OR4Q3: variants seen among roughly 807,000 people sequenced by gnomAD.
The protein encoded by OR4Q3 is olfactory receptor 4Q3.
OR4Q3 carries 17 observed loss-of-function variants against 18.8 expected under a neutral mutation model. The observed-to-expected ratio is 0.91, with a 90% CI of 0.62 to 1.36. The LOEUF (loss-of-function observed/expected upper bound fraction) is 1.36. Among genes scored for constraint, OR4Q3 ranks in the 40% most tolerant of loss-of-function variants. OR4Q3 has a pLI of 0.00. For missense variants in OR4Q3, 378 were observed against 373.4 expected (o/e 1.01, Z -0.10); for synonymous variants, 158 against 145.8 (o/e 1.08, Z -0.60).
At chr14:19,745,132 G>A in intron 1 of OR4Q3, among the ~76,000 whole-genome samples, 15 of 152,050 alleles carry the variant, frequency 9.9e-5, no homozygotes, top group African/African-American at 3.4e-4. Flanking sequence ...TTTATCTTAT[G>A]TGATTGTAAA....
chr14:19,748,250 T>C, exon 2 of OR4Q3: 1 of 1,613,874 alleles, frequency 6.2e-7, no homozygotes, highest in Non-Finnish European at 8.5e-7. Flanking sequence ...ATTCTCCTTG[T>C]TTTACACAGT....
At chr14:19,751,587 A>G, downstream of OR4Q3, among the ~76,000 whole-genome samples, 1 of 151,952 alleles carries the variant, frequency 6.6e-6, no homozygotes, top group Non-Finnish European at 1.5e-5. Context: ...TGACTTATTA[A>G]GGATTACAAT....
intron 1 of OR4Q3, among the ~76,000 whole-genome samples, chr14:19,746,572 C>A: frequency 2.0e-5 from 3 of 152,120 alleles, no homozygotes; most frequent in Non-Finnish European, 4.4e-5. Context: ...TGATTAGTGT[C>A]TTTTAATCAT....
downstream of OR4Q3, among the ~76,000 whole-genome samples, chr14:19,750,672 G>C: frequency 3.9e-5 from 6 of 152,128 alleles, no homozygotes; most frequent in Non-Finnish European, 8.8e-5. Flanking sequence ...TTTTGTGTTG[G>C]GAGTTAATGA....
Position 19,748,760 on chromosome 14 carries a change from C to T in OR4Q3, c.*391C>T. ...TCAGTTCCTCCAGCATTTAATGATTCCTAGTGTTAGGAAGTTCCTTCTGAT... is the reference window on the plus strand; with the variant it reads ...TCAGTTCCTCCAGCATTTAATGATTTCTAGTGTTAGGAAGTTCCTTCTGAT... On this transcript the variant is annotated 3_prime_UTR_variant, in exon 2 of 2. Coordinates refer to ENST00000642117, the Ensembl canonical transcript of OR4Q3. 3.7e-5 allele frequency: 7 copies of T among 188,226 alleles called. No homozygotes were observed. In the South Asian group the frequency reaches 6.0e-4, roughly 16 times the overall value. 11.7% of individuals were successfully genotyped at this position (188,226 alleles called of 1,614,324 possible).
chr14:19,747,843 C>T, exon 2 of OR4Q3: 3 of 1,608,024 alleles, frequency 1.9e-6, no homozygotes, highest in Non-Finnish European at 2.5e-6. Flanking sequence ...GTCATGAACC[C>T]CCAGCTATGC....
At chr14:19,749,405 C>G in exon 2 of OR4Q3, 1 of 152,340 alleles carries the variant, frequency 6.6e-6, no homozygotes, top group Non-Finnish European at 1.5e-5. Context: ...TTGAGACCAG[C>G]TTGAGCAATA....
downstream of OR4Q3, among the ~76,000 whole-genome samples, chr14:19,752,312 A>T: frequency 6.6e-6 from 1 of 152,252 alleles, no homozygotes. Context: ...TAGAACTTAA[A>T]TAATACAACA....
downstream of OR4Q3, among the ~76,000 whole-genome samples, chr14:19,751,541 T>A: frequency 1.3e-5 from 2 of 152,026 alleles, no homozygotes; most frequent in South Asian, 4.1e-4. Context: ...GAGTTTTTTT[T>A]TTTTAAATTA....
exon 2 of OR4Q3, chr14:19,748,460 C>T: frequency 7.9e-5 from 74 of 941,074 alleles, no homozygotes; most frequent in South Asian, 1.3e-4. Context: ...ACTTTGATGA[C>T]GTTGGTATAA....
intron 1 of OR4Q3, 108 bp from the exon 2 acceptor site, chr14:19,747,298 T>C: frequency 2.0e-6 from 1 of 507,926 alleles, no homozygotes; most frequent in Admixed American, 4.2e-5. Context: ...CCGATAAAAC[T>C]TGCTAAAATA....
chr14:19,750,249 T>G, downstream of OR4Q3, among the ~76,000 whole-genome samples: 574 of 152,242 alleles, frequency 3.8e-3, 1 homozygote, highest in African/African-American at 0.013. Context: ...CCTCTCAAAG[T>G]GCTGGGATTA....
downstream of OR4Q3, among the ~76,000 whole-genome samples, chr14:19,751,537 T>A: frequency 1.3e-5 from 2 of 151,962 alleles, no homozygotes; most frequent in Non-Finnish European, 2.9e-5. Flanking sequence ...AGTAGAGTTT[T>A]TTTTTTTTAA....
chr14:19,748,109 A>G, exon 2 of OR4Q3: 1 of 1,614,068 alleles, frequency 6.2e-7, no homozygotes, highest in Non-Finnish European at 8.5e-7. Context: ...CACCCTGAGA[A>G]CACACTTCTG....
intron 1 of OR4Q3, 52 bp from the exon 2 acceptor site, chr14:19,747,354 C>T: frequency 1.1e-5 from 11 of 990,446 alleles, no homozygotes; most frequent in Non-Finnish European, 1.7e-5. Flanking sequence ...ATATAGTGTA[C>T]ACATATATAT....
At chr14:19,747,501 T>G in exon 2 of OR4Q3, 2 of 1,613,694 alleles carry the variant, frequency 1.2e-6, no homozygotes, top group Non-Finnish European at 1.7e-6. Context: ...GAGCTGCAGC[T>G]ATTTCTCTTC....
At chr14:19,749,563 C>CACTCCA, downstream of OR4Q3, 1 of 127,036 alleles carries the variant, frequency 7.9e-6, no homozygotes, top group Non-Finnish European at 1.6e-5. Flanking sequence ...CGCACCACTG[C>CACTCCA]ACTCCAGCCT....
intron 1 of OR4Q3, among the ~76,000 whole-genome samples, chr14:19,744,317 T>TC (rs35823128): frequency 0.13 from 19,195 of 149,272 alleles, 569 homozygotes; most frequent in South Asian, 0.23. Flanking sequence ...TCAAATTTCC[T>TC]CCTCTAATAA....
At position 19,746,947 on chromosome 14, in the gene OR4Q3, C is replaced by G; in HGVS notation, c.3-459C>G. Among the ~76,000 whole-genome samples the G allele has an allele frequency of 1.2e-4, 19 of 152,260 alleles. No individual in the cohort carries two copies. In the East Asian group the frequency reaches 3.3e-3, roughly 26 times the overall value. Reference sequence around the variant, plus strand: ...GCACATAGGCATTACATTTGATTCTCAAAACAATCTTGGGAGATATTATTA... The same window carrying G: ...GCACATAGGCATTACATTTGATTCTGAAAACAATCTTGGGAGATATTATTA... On this transcript the variant is annotated intron_variant, in intron 1 of 1. Coordinates refer to ENST00000642117, the Ensembl canonical transcript of OR4Q3.
Sources: allele counts gnomAD v4.1 joint callset (sites outside exome capture counted in the v4.1 genomes callset), GRCh38; gene constraint gnomAD v4.1.1; transcripts MANE v1.5; gene names NCBI Gene and HGNC (gene_info 2026-07-23, HGNC 2026-07-21).